The following XIRP2 variants were observed in gnomAD, a reference collection of about 807,000 sequenced individuals.
XIRP2 encodes xin actin binding repeat containing 2.
In XIRP2, 236 loss-of-function variants were observed where a neutral mutation model predicts 277.0. The observed-to-expected ratio is 0.85, with a 90% CI of 0.77 to 0.95. XIRP2 has a LOEUF of 0.95. Ranked by LOEUF, XIRP2 falls within the 40% of genes least tolerant of loss-of-function variation. The pLI is 0.00. For missense variants in XIRP2, 4,640 were observed against 4,157.5 expected, an observed-to-expected ratio of 1.12 and a Z score of -3.19; for synonymous variants, 1,490 against 1,416.5, an observed-to-expected ratio of 1.05 and a Z score of -1.17.
At chr2:167,023,568 C>G (rs1688051106) in intron 2 of XIRP2, among the ~76,000 whole-genome samples, 1 of 152,074 alleles carries the variant, frequency 6.6e-6, no homozygotes, top group South Asian at 2.1e-4. Context: ...AGGTTTTCTT[C>G]TAGGGTTTTT....
At chr2:167,077,880 G>A (rs925338587) in intron 2 of XIRP2, among the ~76,000 whole-genome samples, 5 of 152,160 alleles carry the variant, frequency 3.3e-5, no homozygotes, top group Non-Finnish European at 7.4e-5. Context: ...GACTATTGGC[G>A]TATAGTATAG....
chr2:167,200,979 A>T (rs1272028176), intron 3 of XIRP2, among the ~76,000 whole-genome samples: 1 of 149,926 alleles, frequency 6.7e-6, no homozygotes, highest in African/African-American at 2.5e-5. Flanking sequence ...TACAAAAATT[A>T]GCCGGGTGTG....
chr2:167,193,613 C>T (rs748840928), intron 3 of XIRP2, among the ~76,000 whole-genome samples: 2 of 152,144 alleles, frequency 1.3e-5, no homozygotes, highest in Non-Finnish European at 2.9e-5. Context: ...CATGGTGCCT[C>T]ACACCTGAAA....
intron 3 of XIRP2, among the ~76,000 whole-genome samples, chr2:167,194,501 C>T (rs1693443540): frequency 6.6e-6 from 1 of 152,140 alleles, no homozygotes; most frequent in Admixed American, 6.6e-5. Flanking sequence ...GACATCTGAA[C>T]TATTTTCTGT....
At chr2:167,184,694 C>T (rs1693108568) in intron 3 of XIRP2, 2 of 704,036 alleles carry the variant, frequency 2.8e-6, no homozygotes, top group African/African-American at 1.8e-5. Context: ...ATTGGTTTGG[C>T]TATCTCTGAT....
At chr2:166,919,412 A>G (rs928347261) in intron 2 of XIRP2, among the ~76,000 whole-genome samples, 2 of 152,198 alleles carry the variant, frequency 1.3e-5, no homozygotes, top group African/African-American at 4.8e-5. Context: ...GGATGACATG[A>G]GACAAATTAC....
At chr2:167,010,780 C>T (rs956108853) in intron 2 of XIRP2, among the ~76,000 whole-genome samples, 5 of 151,958 alleles carry the variant, frequency 3.3e-5, no homozygotes, top group Admixed American at 6.6e-5. Context: ...TCAAGAGGTC[C>T]TTCACGTCCC....
At chr2:166,934,558 T>C (rs1213138033) in intron 2 of XIRP2, among the ~76,000 whole-genome samples, 1 of 152,244 alleles carries the variant, frequency 6.6e-6, no homozygotes, top group Non-Finnish European at 1.5e-5. Flanking sequence ...AGGTAATAAA[T>C]GTGTGTTACT....
chr2:167,015,301 C>G (rs909887373), intron 2 of XIRP2, among the ~76,000 whole-genome samples: 1 of 151,804 alleles, frequency 6.6e-6, no homozygotes, highest in Non-Finnish European at 1.5e-5. Context: ...AAAATGTCAT[C>G]TTCCCTACTT....
intron 2 of XIRP2, among the ~76,000 whole-genome samples, chr2:166,956,756 A>G (rs761309825): frequency 6.6e-6 from 1 of 151,782 alleles, no homozygotes; most frequent in Non-Finnish European, 1.5e-5. Context: ...GGGGAAAGGC[A>G]AAGGGCAGAA....
intron 2 of XIRP2, among the ~76,000 whole-genome samples, chr2:166,944,159 G>T (rs1685793487): frequency 6.6e-6 from 1 of 152,112 alleles, no homozygotes; most frequent in Non-Finnish European, 1.5e-5. Flanking sequence ...GGTTTTTCCA[G>T]TTCATTGAAT....
Position 167,259,052 on chromosome 2 carries a change from T to C in XIRP2, c.*1235T>C. On this transcript the variant is annotated 3_prime_UTR_variant, in exon 11 of 11. Transcript: ENST00000409195. ...TTCAAAGAGCAAAAATTTACACTTT[T>C]TCTTTTCTAACACCGTGAAAATCAC... The C allele has an allele frequency of 6.2e-7, 1 of 1,610,590 alleles. No homozygotes were observed. The highest frequency in any genetic ancestry group is 2.2e-5 in the East Asian group (1 of 44,696).
At chr2:167,096,468 T>C (rs1418884790) in intron 2 of XIRP2, among the ~76,000 whole-genome samples, 4 of 152,160 alleles carry the variant, frequency 2.6e-5, no homozygotes, top group Admixed American at 6.5e-5. Flanking sequence ...GTTAGTGGTC[T>C]ATCTATTTTG....
chr2:167,236,949 C>T (rs1226783749), intron 5 of XIRP2, among the ~76,000 whole-genome samples: 1 of 151,996 alleles, frequency 6.6e-6, no homozygotes, highest in Non-Finnish European at 1.5e-5. Context: ...AAACTAGTTG[C>T]AAAATATGCA....
At chr2:167,161,252 G>A (rs1297028337) in intron 3 of XIRP2, among the ~76,000 whole-genome samples, 3 of 152,168 alleles carry the variant, frequency 2.0e-5, no homozygotes, top group East Asian at 1.9e-4. Flanking sequence ...TACCATTCTC[G>A]AGTCTGGAAG....
At chr2:167,097,690 C>T in intron 2 of XIRP2, among the ~76,000 whole-genome samples, 1 of 152,124 alleles carries the variant, frequency 6.6e-6, no homozygotes, top group East Asian at 1.9e-4. Context: ...ATGGTTGGTA[C>T]CAGTTTTTCC....
chr2:167,083,618 C>G (rs369598844), intron 2 of XIRP2, among the ~76,000 whole-genome samples: 1 of 152,078 alleles, frequency 6.6e-6, no homozygotes, highest in African/African-American at 2.4e-5. Context: ...CTTTTATTTC[C>G]TTGAGCAGTG....
At chr2:167,074,418 G>A (rs1689509380) in intron 2 of XIRP2, among the ~76,000 whole-genome samples, 1 of 151,938 alleles carries the variant, frequency 6.6e-6, no homozygotes, top group Non-Finnish European at 1.5e-5. Flanking sequence ...GAATAACAAA[G>A]TTATTTTCAA....
rs1553470448 is a variant in XIRP2, at chr2:166,925,589, G to GTGTATA, written c.408+21700_408+21701insGTATAT. Among the ~76,000 whole-genome samples the GTGTATA allele has an allele frequency of 5.7e-5, 6 of 105,974 alleles. No individual in the cohort carries two copies. In the East Asian group the frequency reaches 8.5e-4, roughly 15 times the overall value. The allele number at this position is 105,974 out of a possible 152,430, so 69.5% of individuals were successfully genotyped here. On this transcript the variant is annotated intron_variant, in intron 2 of 10. Coordinates refer to ENST00000409195, the MANE Select transcript of XIRP2 (RefSeq NM_152381.6). ...TGTGTATGTATGTGTGTGTGTATGT[G>GTGTATA]TATATACATATATATATATATATAT...
Sources: gnomAD v4.1 joint callset for allele counts (sites outside exome capture counted in the v4.1 genomes callset) on GRCh38, gnomAD v4.1.1 for gene constraint, MANE v1.5 for transcripts, NCBI Gene and HGNC (gene_info 2026-07-23, HGNC 2026-07-21) for gene names.